KNL1: variants seen among roughly 807,000 people sequenced by gnomAD.
KNL1 encodes the protein outer kinetochore KNL1 complex subunit KNL1.
In KNL1, 66 loss-of-function variants were observed where a neutral mutation model predicts 201.3. That is an observed-to-expected ratio of 0.33 (90% confidence interval 0.27 to 0.40). The LOEUF is 0.40. Ranked by LOEUF, KNL1 falls within the 10% of genes least tolerant of loss-of-function variation. KNL1 has a pLI of 1.00. For missense variants in KNL1, 2,815 were observed against 2,690.5 expected (o/e 1.05, Z -1.02); for synonymous variants, 895 against 899.2 (o/e 1.00, Z 0.08).
intron 21 of KNL1, among the ~76,000 whole-genome samples, chr15:40,653,219 C>T (rs952816807): frequency 6.6e-6 from 1 of 152,066 alleles, no homozygotes; most frequent in Non-Finnish European, 1.5e-5. Flanking sequence ...GAGACAGTCT[C>T]ACTCTTCCAC....
Position 40,621,947 on chromosome 15 carries a change from T to G in KNL1, c.1683T>G (p.Asp561Glu). ...LSNPLSISLT[D>E]RKTELLSGEN... The stretch of plus-strand genomic sequence containing the variant: ...ATCCTTTGTCTATTTCATTGACTGA[T>G]AGAAAGACTGAACTCTTATCAGGTG... Residue 561 changes from aspartate (D) to glutamate (E), a missense_variant, in exon 10 of 26, where the codon GAT becomes GAG. Around this residue, in one of 3 missense-constraint regions of KNL1, gnomAD observed 2,464 missense variants for 2,291.7 expected, o/e 1.08. Transcript: ENST00000399668. The G allele has an allele frequency of 6.2e-7, 1 of 1,613,864 alleles. No individual in the cohort carries two copies. Among genetic ancestry groups the G allele is most frequent in the Non-Finnish European group, 8.5e-7 (1 of 1,179,816 alleles).
chr15:40,653,072 C>T (rs1052219531), intron 21 of KNL1, among the ~76,000 whole-genome samples: 2 of 152,152 alleles, frequency 1.3e-5, no homozygotes, highest in African/African-American at 4.8e-5. Flanking sequence ...CAATGAATAG[C>T]GTTACCTTCT....
At position 40,662,416 on chromosome 15, in the gene KNL1, G is replaced by C; in HGVS notation, c.*228G>C. 4.8e-6 allele frequency: 2 copies of C among 413,528 alleles called. No homozygotes were observed. The highest frequency in any genetic ancestry group is 8.7e-5 in the South Asian group (2 of 22,878). The allele number at this position is 413,528 out of a possible 1,614,324, so 25.6% of individuals were successfully genotyped here. A position where few individuals can be genotyped will look rare whatever the true frequency, so the allele number is the denominator to read the frequency against. On this transcript the variant is annotated 3_prime_UTR_variant, in exon 26 of 26. Coordinates refer to ENST00000399668, the MANE Select transcript of KNL1 (RefSeq NM_144508.5). ...CAACTTACTCATCTTTGTACCAAAGGTTTAAGTAATAGGACACTTAGGAAA... is the reference window on the plus strand; with the variant it reads ...CAACTTACTCATCTTTGTACCAAAGCTTTAAGTAATAGGACACTTAGGAAA...
At chr15:40,638,816 C>CT (rs1004167044) in intron 13 of KNL1, among the ~76,000 whole-genome samples, 5,133 of 138,952 alleles carry the variant, frequency 0.037, 255 homozygotes, top group African/African-American at 0.12. Context: ...TTCTTTCTTT[C>CT]TTTTTTTTTT....
chr15:40,645,126 A>G (rs373674415), intron 15 of KNL1, 39 bp downstream of exon 15: 3 of 1,308,364 alleles, frequency 2.3e-6, no homozygotes, highest in Non-Finnish European at 3.3e-6. Flanking sequence ...ATCAGTGAAG[A>G]CATTCTGAAC....
At chr15:40,635,400 G>A (rs1483063362) in intron 13 of KNL1, among the ~76,000 whole-genome samples, 1 of 151,712 alleles carries the variant, frequency 6.6e-6, no homozygotes, top group Non-Finnish European at 1.5e-5. Context: ...TCTTGCCCAG[G>A]CTGGAGTGCG....
At chr15:40,615,017 G>C (rs369809624) in intron 7 of KNL1, among the ~76,000 whole-genome samples, 1 of 151,942 alleles carries the variant, frequency 6.6e-6, no homozygotes, top group African/African-American at 2.4e-5. Flanking sequence ...CCCACTTCAC[G>C]CTCCCAAAGT....
chr15:40,619,355 A>AAT (rs71956781), intron 9 of KNL1, among the ~76,000 whole-genome samples: 49,400 of 145,676 alleles, frequency 0.34, 8,215 homozygotes, highest in South Asian at 0.45. Context: ...CACACAGTGT[A>AAT]ATATATATAT....
Position 40,622,171 on chromosome 15 carries a change from A to T in KNL1, c.1907A>T (p.Asp636Val). 6.2e-7 allele frequency: 1 copy of T among 1,614,116 alleles called. No individual in the cohort carries two copies. The highest frequency in any genetic ancestry group is 8.5e-7 in the Non-Finnish European group (1 of 1,179,982). ...SDIIAKNSLT[D>V]TWNKDKDWVL... The stretch of plus-strand genomic sequence containing the variant: ...ATAATAGCCAAAAACAGCTTAACCG[A>T]CACCTGGAACAAAGACAAAGATTGG... The change falls in exon 10 of 26, where the codon GAC becomes GTC. Residue 636 changes from aspartate (D) to valine (V), a missense_variant. Physicochemically the swap from Asp to Val is radical, Grantham distance 152 (BLOSUM62 -3). Around this residue, in one of 3 missense-constraint regions of KNL1, gnomAD observed 2,464 missense variants for 2,291.7 expected, o/e 1.08. Coordinates refer to ENST00000399668, the MANE Select transcript of KNL1 (RefSeq NM_144508.5).
chr15:40,642,401 CAAAA>C (rs200665424), intron 14 of KNL1, among the ~76,000 whole-genome samples: 1 of 106,266 alleles, frequency 9.4e-6, no homozygotes. Context: ...GACTCTGTCT[CAAAA>C]AAAAAAAAAA....
chr15:40,659,136 G>T (rs1454877476), intron 24 of KNL1, among the ~76,000 whole-genome samples: 3 of 151,290 alleles, frequency 2.0e-5, no homozygotes, highest in Non-Finnish European at 4.4e-5. Flanking sequence ...AATTTAGCTG[G>T]ATGTGGTGGC....
At chr15:40,601,923 A>C (rs1272787903) in intron 1 of KNL1, among the ~76,000 whole-genome samples, 1 of 112,056 alleles carries the variant, frequency 8.9e-6, no homozygotes, top group Non-Finnish European at 1.7e-5. Flanking sequence ...GCTGGAGTGC[A>C]GTGGTGCAAT....
Position 40,622,771 on chromosome 15 carries a change from C to G in KNL1, c.2507C>G (p.Pro836Arg). The part of the protein sequence containing the change: ...DVLEDESVQK[P>R]KFPKEKQNVK... ...TTAGAGGACGAAAGTGTACAGAAAC[C>G]TAAATTTCCAAAGGAAAAGCAAAAT... is the stretch of plus-strand genomic sequence containing the variant. Residue 836 changes from proline to arginine, a missense_variant, in exon 10 of 26, where the codon CCT (proline) becomes CGT (arginine). Coordinates refer to ENST00000399668, the MANE Select transcript of KNL1 (RefSeq NM_144508.5). 1.2e-6 allele frequency: 2 copies of G among 1,611,232 alleles called. No homozygotes were observed. Among genetic ancestry groups the G allele is most frequent in the Non-Finnish European group, 1.7e-6 (2 of 1,179,002 alleles).
chr15:40,618,865 A>G (rs1892426648), intron 8 of KNL1, 94 bp from the exon 9 acceptor site: 3 of 752,160 alleles, frequency 4.0e-6, no homozygotes, highest in Admixed American at 4.2e-5. Context: ...GGTAAATTCT[A>G]GTAAATACTT....
rs765413719 is a variant in KNL1, at chr15:40,657,192, T to G, written c.6594+41T>G. On this transcript the variant is annotated intron_variant, in intron 23 of 25. Coordinates refer to ENST00000399668, the MANE Select transcript of KNL1 (RefSeq NM_144508.5). The stretch of plus-strand genomic sequence containing the variant: ...AGTATTTAAAGGAAAATTTGTGATA[T>G]CTTTCCAAAAAAAGCAGAACTGAAA... 7 of 1,309,172 alleles carry G rather than the reference T, an allele frequency of 5.3e-6. No homozygotes were observed. In the African/African-American group the frequency reaches 1.0e-4, roughly 19 times the overall value. 81.1% of individuals were successfully genotyped at this position (1,309,172 alleles called of 1,614,324 possible).
At position 40,655,126 on chromosome 15, in the gene KNL1, C is replaced by T. The variant is rs537349798; in HGVS notation, c.6484+149C>T. The T allele has an allele frequency of 1.0e-3, 581 of 570,744 alleles. 1 individual carries two copies. The highest frequency in any genetic ancestry group is 5.4e-3 in the Middle Eastern group (11 of 2,028). The allele number at this position is 570,744 out of a possible 1,614,324, so 35.4% of individuals were successfully genotyped here. A position where few individuals can be genotyped will look rare whatever the true frequency, so the allele number is the denominator to read the frequency against. ...CAGCCTGACTAACATGGTGAAACCC[C>T]GTCTCTGCTAAAAATACAAAAACTA... is the stretch of plus-strand genomic sequence containing the variant. On this transcript the variant is annotated intron_variant, in intron 22 of 25. Coordinates refer to ENST00000399668, the MANE Select transcript of KNL1 (RefSeq NM_144508.5).
intron 13 of KNL1, among the ~76,000 whole-genome samples, chr15:40,634,740 A>G (rs1031766292): frequency 1.9e-4 from 29 of 152,182 alleles, no homozygotes; most frequent in South Asian, 8.3e-4. Context: ...ACCAAGACCA[A>G]ACAGAGGAGA....
chr15:40,651,469 A>G lies in KNL1; in HGVS notation c.6213-2A>G. 1 of 1,586,812 alleles carries G rather than the reference A, an allele frequency of 6.3e-7. No individual in the cohort carries two copies. Among genetic ancestry groups the G allele is most frequent in the Non-Finnish European group, 8.5e-7 (1 of 1,169,890 alleles). ...TCTCTGAATACCTGCTTTTATTTGC[A>G]GAAATCTCTTAGAACTGGAGGTACA... On this transcript the variant is annotated splice_acceptor_variant, in intron 19 of 25. Coordinates refer to ENST00000399668, the MANE Select transcript of KNL1 (RefSeq NM_144508.5). LOFTEE classifies it high-confidence loss of function.
chr15:40,645,870 A>G (rs1360575910), intron 16 of KNL1, 98 bp downstream of exon 16: 11 of 653,678 alleles, frequency 1.7e-5, no homozygotes, highest in Middle Eastern at 3.2e-4. Context: ...AGACATGTGA[A>G]TAAGACTTGG....
Sources: allele counts gnomAD v4.1 joint callset (sites outside exome capture counted in the v4.1 genomes callset), GRCh38; gene constraint gnomAD v4.1.1; regional missense constraint gnomAD v4.1.1; transcripts MANE v1.5; gene names NCBI Gene and HGNC (gene_info 2026-07-23, HGNC 2026-07-21).